The following LYRM4 variants were observed in gnomAD, a reference collection of about 807,000 sequenced individuals.
LYRM4 encodes LYR motif-containing protein 4.
In LYRM4, 9 loss-of-function variants were observed where a neutral mutation model predicts 11.7. That is an observed-to-expected ratio of 0.77 (90% CI 0.46 to 1.34). The LOEUF is 1.34. Ranked by LOEUF, LYRM4 falls within the 40% of genes most tolerant of loss-of-function variation. LYRM4 has a pLI of 0.00. For synonymous variants in LYRM4, 42 were observed against 40.4 expected, an observed-to-expected ratio of 1.04 and a Z score of -0.15; for missense variants, 133 against 112.5, an observed-to-expected ratio of 1.18 and a Z score of -0.82.
chr6:5,149,465 C>T (rs144123195), intron 2 of LYRM4, among the ~76,000 whole-genome samples: 9 of 152,282 alleles, frequency 5.9e-5, no homozygotes, highest in East Asian at 1.9e-4. Context: ...GATAGCATGT[C>T]GTAAAGCTGG....
chr6:5,188,175 C>T (rs1281302178), intron 2 of LYRM4, among the ~76,000 whole-genome samples: 1 of 152,058 alleles, frequency 6.6e-6, no homozygotes, highest in African/African-American at 2.4e-5. Flanking sequence ...CATGATGAAA[C>T]CCCATGTCTA....
chr6:5,091,038 G>C, the LYRM4 span, among the ~76,000 whole-genome samples: 1 of 152,000 alleles, frequency 6.6e-6, no homozygotes. Flanking sequence ...TGCATTTTTG[G>C]TTCACACAAT....
the LYRM4 span, among the ~76,000 whole-genome samples, chr6:5,096,710 C>T: frequency 2.6e-5 from 4 of 152,146 alleles, no homozygotes; most frequent in East Asian, 3.8e-4. Context: ...AAAATAGGGG[C>T]GGTAACTCCT....
chr6:5,085,038 C>G, the LYRM4 span: 1 of 175,362 alleles, frequency 5.7e-6, no homozygotes, highest in Admixed American at 6.3e-5. Context: ...AGCGCGAGCT[C>G]TGCACCCCCA....
the LYRM4 span, among the ~76,000 whole-genome samples, chr6:5,093,790 T>C: frequency 1.6e-3 from 248 of 152,342 alleles, no homozygotes; most frequent in African/African-American, 5.6e-3. Flanking sequence ...CCCAATTTCA[T>C]GTGCAATGGC....
chr6:5,231,050 A>G (rs1277703484), intron 1 of LYRM4, among the ~76,000 whole-genome samples: 1 of 152,158 alleles, frequency 6.6e-6, no homozygotes, highest in Admixed American at 6.5e-5. Flanking sequence ...GCTAAGGTAG[A>G]TGGATCATTT....
At chr6:5,156,413 T>C (rs1471971423) in intron 2 of LYRM4, among the ~76,000 whole-genome samples, 1 of 152,186 alleles carries the variant, frequency 6.6e-6, no homozygotes, top group Non-Finnish European at 1.5e-5. Context: ...AGTGTGCCTG[T>C]GCATTTGCTA....
chr6:5,135,998 T>C (rs1215334619), intron 2 of LYRM4, among the ~76,000 whole-genome samples: 3 of 152,346 alleles, frequency 2.0e-5, no homozygotes, highest in Admixed American at 1.3e-4. Context: ...AGTGGAATCA[T>C]ACAGCATTTG....
downstream of LYRM4, chr6:5,104,234 C>A (rs535591376): frequency 1.3e-5 from 2 of 152,140 alleles, no homozygotes; most frequent in Non-Finnish European, 1.5e-5. Context: ...TACAGAGTTA[C>A]GGGTAAAATC....
chr6:5,126,694 G>T (rs1410926310), intron 2 of LYRM4, among the ~76,000 whole-genome samples: 1 of 152,186 alleles, frequency 6.6e-6, no homozygotes, highest in African/African-American at 2.4e-5. Context: ...GATGAACCTT[G>T]AAAATATTAT....
intron 2 of LYRM4, among the ~76,000 whole-genome samples, chr6:5,145,799 A>G (rs1246496567): frequency 1.3e-5 from 2 of 152,160 alleles, no homozygotes; most frequent in Non-Finnish European, 1.5e-5. Context: ...TGCTCTAGTA[A>G]TATTGACTGC....
rs1050259377 is a variant in LYRM4 at position 5,191,601 on chromosome 6, T to C, written c.207+25017A>G. Among the ~76,000 whole-genome samples, 3 of 152,162 alleles carry C rather than the reference T, an allele frequency of 2.0e-5. No individual in the cohort carries two copies. The East Asian group carries it at 5.8e-4, about 29-fold the overall frequency. ...TTACTCTCATTAAAACGGGCCCTAG[T>C]GTGTTATTAAGAAGACAACTTGGTG... On this transcript the variant is annotated intron_variant, in intron 2 of 2. Transcript: ENST00000330636.
the LYRM4 span, among the ~76,000 whole-genome samples, chr6:5,084,319 G>C: frequency 1.3e-4 from 20 of 152,186 alleles, no homozygotes; most frequent in Admixed American, 6.5e-5. Context: ...CCTCAGGTTC[G>C]GGCCTTGGCC....
intron 2 of LYRM4, among the ~76,000 whole-genome samples, chr6:5,121,821 G>A (rs76763178): frequency 0.03 from 4,628 of 152,266 alleles, 163 homozygotes; most frequent in Admixed American, 0.094. Context: ...AAACCACAGC[G>A]GCAAGGCCAG....
the LYRM4 span, among the ~76,000 whole-genome samples, chr6:5,076,119 A>AT: frequency 2.2e-4 from 33 of 151,646 alleles, no homozygotes; most frequent in South Asian, 4.0e-3. Flanking sequence ...TAATTTTTCT[A>AT]TTTTTTTGTA....
chr6:5,101,196 C>G (rs886719741), downstream of LYRM4, among the ~76,000 whole-genome samples: 2 of 152,200 alleles, frequency 1.3e-5, no homozygotes, highest in Non-Finnish European at 2.9e-5. Context: ...GAATATTACT[C>G]CCTCCCTCTT....
the LYRM4 span, among the ~76,000 whole-genome samples, chr6:5,068,331 A>T: frequency 1.3e-5 from 2 of 152,214 alleles, no homozygotes; most frequent in African/African-American, 4.8e-5. This position sits in a 1 kb window ranked among gnomAD's most constrained non-coding sequence, Gnocchi z 4.0. Context: ...CACAGTCAGG[A>T]CTTGCCTGGG....
At chr6:5,076,837 C>T in the LYRM4 span, among the ~76,000 whole-genome samples, 5 of 152,204 alleles carry the variant, frequency 3.3e-5, no homozygotes, top group Admixed American at 6.5e-5. Context: ...CTCAATCACA[C>T]GATCACGCCA....
At chr6:5,247,202 A>G (rs1561900571) in intron 1 of LYRM4, among the ~76,000 whole-genome samples, 1 of 152,202 alleles carries the variant, frequency 6.6e-6, no homozygotes, top group Non-Finnish European at 1.5e-5. Flanking sequence ...AGGCAAAAGC[A>G]TGCTATGCTC....
Sources: gnomAD v4.1 joint callset for allele counts (sites outside exome capture counted in the v4.1 genomes callset) on GRCh38, gnomAD v4.1.1 for gene constraint, Gnocchi (gnomAD v3.1) non-coding constraint, MANE v1.5 for transcripts, NCBI Gene and HGNC (gene_info 2026-07-23, HGNC 2026-07-21) for gene names.